The following SEMA3C variants were observed in gnomAD, a reference collection of about 807,000 sequenced individuals.
SEMA3C encodes the protein semaphorin 3C.
A neutral mutation model predicts 89.4 loss-of-function variants in SEMA3C; 47 were observed. The ratio of observed to expected loss-of-function variants is 0.53; its 90% confidence interval spans 0.42 to 0.67. The LOEUF (loss-of-function observed/expected upper bound fraction) is 0.67. Among genes scored for constraint, SEMA3C ranks in the 30% least tolerant of loss-of-function variants. The probability of loss-of-function intolerance (pLI) is 0.00; values close to 1 mark genes in which losing one functional copy is unlikely to be tolerated. For synonymous variants in SEMA3C, 310 were observed against 320.2 expected (o/e 0.97, Z 0.34); for missense variants, 839 against 929.1 (o/e 0.90, Z 1.26).
At chr7:80,807,059 T>A (rs1682175620) in intron 6 of SEMA3C, among the ~76,000 whole-genome samples, 1 of 151,638 alleles carries the variant, frequency 6.6e-6, no homozygotes, top group Non-Finnish European at 1.5e-5. Context: ...ATAACAAAAA[T>A]GTGTATGAAG....
Position 80,916,806 on chromosome 7 carries a change from C to T in SEMA3C, c.-25G>A, listed in dbSNP as rs1792287900. 6.2e-7 allele frequency: 1 copy of T among 1,612,050 alleles called. No homozygotes were observed. The highest frequency in any genetic ancestry group is 1.1e-5 in the South Asian group (1 of 90,824). On this transcript the variant is annotated 5_prime_UTR_variant, in exon 2 of 18. Transcript: ENST00000265361. ...TTTCTTCAGATATGCAAGTTAATAT[C>T]CAAGGGAAAATACCTTTAAGAGAGA...
At position 80,745,258 on chromosome 7, in the gene SEMA3C, C is replaced by T. The variant is rs765483267; in HGVS notation, c.1892G>A (p.Arg631His). The T allele has an allele frequency of 1.4e-5, 23 of 1,613,782 alleles. No individual in the cohort carries two copies. The highest frequency in any genetic ancestry group is 1.1e-4 in the South Asian group (10 of 91,086). Residue 631 changes from arginine to histidine, a missense_variant, in exon 18 of 18, where the codon CGC becomes CAC. Arg to His is a conservative substitution (Grantham distance 29). Transcript: ENST00000265361. Reference protein sequence around the residue: ...IIATSQGLLIRSVQGSDQGLY... With the variant: ...IIATSQGLLIHSVQGSDQGLY... ...TCCTTGGTCAGAACCCTGAACAGAG[C>T]GGATCAGGAGTCCCTGTGAAGTGGC...
chr7:80,769,131 G>C (rs1788371067), intron 12 of SEMA3C, among the ~76,000 whole-genome samples: 1 of 152,082 alleles, frequency 6.6e-6, no homozygotes, highest in East Asian at 1.9e-4. Flanking sequence ...TTTTGATAAA[G>C]ATATACAATG....
chr7:80,908,436 C>G (rs191152837), intron 2 of SEMA3C, among the ~76,000 whole-genome samples: 28 of 152,238 alleles, frequency 1.8e-4, no homozygotes, highest in African/African-American at 6.5e-4. Context: ...AAAACTGAAG[C>G]ACATAATTAA....
At chr7:80,916,988 G>T (rs1792292942) in intron 1 of SEMA3C, among the ~76,000 whole-genome samples, 169 bp from the exon 2 acceptor site, 1 of 152,150 alleles carries the variant, frequency 6.6e-6, no homozygotes, top group Non-Finnish European at 1.5e-5. Flanking sequence ...TGAAAATGTG[G>T]ATTTGATTCA....
At chr7:80,755,610 G>A (rs3807093) in intron 15 of SEMA3C, among the ~76,000 whole-genome samples, 27,479 of 151,370 alleles carry the variant, frequency 0.18, 2,802 homozygotes, top group Admixed American at 0.28. Flanking sequence ...GCTTCCTTCA[G>A]TACTATATCT....
chr7:80,792,014 G>T (rs1788952866), intron 11 of SEMA3C, among the ~76,000 whole-genome samples: 1 of 152,118 alleles, frequency 6.6e-6, no homozygotes, highest in Non-Finnish European at 1.5e-5. Context: ...AAGGTACAAG[G>T]AGCAATTAAA....
chr7:80,748,701 A>T (rs1459662950), intron 17 of SEMA3C, among the ~76,000 whole-genome samples, 197 bp downstream of exon 17: 1 of 152,188 alleles, frequency 6.6e-6, no homozygotes, highest in Non-Finnish European at 1.5e-5. Flanking sequence ...AGAGGTGAGC[A>T]GGCAGAGAGA....
intron 12 of SEMA3C, among the ~76,000 whole-genome samples, chr7:80,770,652 C>T (rs1788408300): frequency 6.6e-6 from 1 of 152,220 alleles, no homozygotes; most frequent in Non-Finnish European, 1.5e-5. Flanking sequence ...CACCACCTAC[C>T]TCATTTTCAG....
chr7:80,765,314 C>T, intron 12 of SEMA3C, 71 bp from the exon 13 acceptor site: 1 of 1,067,820 alleles, frequency 9.4e-7, no homozygotes, highest in South Asian at 1.4e-5. Flanking sequence ...CATAGGACTA[C>T]TGACTTGGAC....
intron 2 of SEMA3C, among the ~76,000 whole-genome samples, chr7:80,834,924 T>G (rs1790090945): frequency 6.6e-6 from 1 of 152,232 alleles, no homozygotes; most frequent in African/African-American, 2.4e-5. Flanking sequence ...GTATTATTTT[T>G]ACTGTAGTAT....
intron 12 of SEMA3C, among the ~76,000 whole-genome samples, chr7:80,782,527 T>C (rs1268092136): frequency 6.6e-6 from 1 of 152,062 alleles, no homozygotes; most frequent in Non-Finnish European, 1.5e-5. Context: ...TGTAAAGTAG[T>C]TATGGTAAAT....
intron 2 of SEMA3C, among the ~76,000 whole-genome samples, chr7:80,862,931 C>T (rs895674342): frequency 1.3e-5 from 2 of 152,062 alleles, no homozygotes; most frequent in African/African-American, 4.8e-5. Flanking sequence ...TCTTCTTATA[C>T]AAAAATCTAC....
chr7:80,918,149 TG>T (rs1283909880), intron 1 of SEMA3C, among the ~76,000 whole-genome samples: 2 of 152,212 alleles, frequency 1.3e-5, no homozygotes, highest in Non-Finnish European at 2.9e-5. Context: ...ACTGATTTTA[TG>T]GGTGACTTTC....
Position 80,744,927 on chromosome 7 carries a change from A to G in SEMA3C, c.2223T>C (p.Ser741=). 6.2e-7 allele frequency: 1 copy of G among 1,614,054 alleles called. No homozygotes were observed. The highest frequency in any genetic ancestry group is 8.5e-7 in the Non-Finnish European group (1 of 1,179,958). Reference sequence around the variant, plus strand: ...CTGGCAACTGATTCCTCCTGTTTCTACTTTTCCGACTATTGATGAGGGCCT... The same window carrying G: ...CTGGCAACTGATTCCTCCTGTTTCTGCTTTTCCGACTATTGATGAGGGCCT... ...KLKALINSRK[S]RNRRNQLPES The change falls in exon 18 of 18, where the codon AGT becomes AGC. Residue 741 remains serine, a synonymous_variant. Coordinates refer to ENST00000265361, the MANE Select transcript of SEMA3C (RefSeq NM_006379.5).
At chr7:80,776,377 C>T (rs1254861712) in intron 12 of SEMA3C, among the ~76,000 whole-genome samples, 1 of 152,038 alleles carries the variant, frequency 6.6e-6, no homozygotes, top group East Asian at 1.9e-4. Flanking sequence ...CACTTGCAAA[C>T]AGTATAAACT....
At chr7:80,897,275 T>A (rs1317821507) in intron 2 of SEMA3C, among the ~76,000 whole-genome samples, 1 of 152,060 alleles carries the variant, frequency 6.6e-6, no homozygotes, top group East Asian at 1.9e-4. Flanking sequence ...CACAGAAACA[T>A]AAAACCATAA....
intron 2 of SEMA3C, among the ~76,000 whole-genome samples, chr7:80,881,201 ACACACACACT>A (rs1035859935): frequency 1.4e-5 from 2 of 148,028 alleles, no homozygotes; most frequent in African/African-American, 2.6e-5. Flanking sequence ...ACACACACAC[ACACACACACT>A]CTCTCTCATG....
rs1046200457 is a variant in SEMA3C at position 80,819,961 on chromosome 7, A to G, written c.328-1543T>C. Among the ~76,000 whole-genome samples, 52 of 152,158 alleles carry G rather than the reference A, an allele frequency of 3.4e-4. 1 individual carries two copies. Among genetic ancestry groups the G allele is most frequent in the East Asian group, 1.7e-3 (9 of 5,166 alleles). ...AGAGACAGCATTTTTATAAAAAACT[A>G]TAAAGAAAGACATCAAAAGTTAACA... On this transcript the variant is annotated intron_variant, in intron 4 of 17. Transcript: ENST00000265361.
Sources: gnomAD v4.1 joint callset for allele counts (sites outside exome capture counted in the v4.1 genomes callset) on GRCh38, gnomAD v4.1.1 for gene constraint, MANE v1.5 for transcripts, NCBI Gene and HGNC (gene_info 2026-07-23, HGNC 2026-07-21) for gene names.